The following CEP295 variants were observed in gnomAD, a reference collection of about 807,000 sequenced individuals.
The protein encoded by CEP295 is centrosomal protein of 295 kDa.
A neutral mutation model predicts 291.6 loss-of-function variants in CEP295; 190 were observed. That is an observed-to-expected ratio of 0.65 (90% CI 0.58 to 0.73). The LOEUF is 0.73. Among genes scored for constraint, CEP295 ranks in the 30% least tolerant of loss-of-function variants. The pLI, the probability that CEP295 is intolerant of heterozygous loss-of-function variation, is 0.00. For synonymous variants in CEP295, 993 were observed against 1,038.8 expected, an observed-to-expected ratio of 0.96 and a Z score of 0.85; for missense variants, 2,863 against 2,949.4, an observed-to-expected ratio of 0.97 and a Z score of 0.68.
chr11:93,675,597 A>G lies in CEP295; in HGVS notation c.555A>G (p.Ala185=). The part of the protein sequence containing the change: ...FENIEVKRIS[A]VKTNSSTYHH... ...ACATCGAAGTAAAAAGAATTTCTGC[A>G]GTCAAAACCAATAGTTCTACCTACC... is the stretch of plus-strand genomic sequence containing the variant. Residue 185 remains alanine (A), a synonymous_variant, in exon 6 of 30, where the codon GCA becomes GCG. Transcript: ENST00000325212. The G allele has an allele frequency of 6.6e-7, 1 of 1,504,050 alleles. No individual in the cohort carries two copies. Among genetic ancestry groups the G allele is most frequent in the Non-Finnish European group, 8.9e-7 (1 of 1,129,104 alleles). The allele number at this position is 1,504,050 out of a possible 1,614,324, so 93.2% of individuals were successfully genotyped here. A position where few individuals can be genotyped will look rare whatever the true frequency, so the allele number is the denominator to read the frequency against.
chr11:93,672,621 A>C (rs570796193), intron 5 of CEP295, among the ~76,000 whole-genome samples: 98 of 152,172 alleles, frequency 6.4e-4, no homozygotes, highest in African/African-American at 2.2e-3. Context: ...TGCATGAGCC[A>C]GTGTCAGGTA....
intron 1 of CEP295, among the ~76,000 whole-genome samples, chr11:93,662,293 C>G (rs1565420943): frequency 6.6e-6 from 1 of 152,178 alleles, no homozygotes; most frequent in Non-Finnish European, 1.5e-5. Context: ...GAAGACTTCA[C>G]GCTAAGTCAC....
rs548680260 is a variant in CEP295, at chr11:93,699,212, G to C, written c.4300G>C (p.Glu1434Gln). 6.4e-7 allele frequency: 1 copy of C among 1,551,870 alleles called. No individual in the cohort carries two copies. The highest frequency in any genetic ancestry group is 1.2e-5 in the South Asian group (1 of 84,062). ...SDNIVSSGHS[E>Q]IPTLPDGLLG... Reference sequence around the variant, plus strand: ...TAATATAGTATCCTCAGGTCACTCAGAGATACCAACATTGCCTGATGGGCT... The same window carrying C: ...TAATATAGTATCCTCAGGTCACTCACAGATACCAACATTGCCTGATGGGCT... Residue 1434 changes from glutamate to glutamine, a missense_variant, in exon 15 of 30, where the codon GAG (glutamate) becomes CAG (glutamine). Around this residue, in one of 3 missense-constraint regions of CEP295, gnomAD observed 2,295 missense variants for 2,335.7 expected, o/e 0.98. Transcript: ENST00000325212.
At chr11:93,691,113 A>T (rs184243764) in intron 10 of CEP295, among the ~76,000 whole-genome samples, 256 of 152,306 alleles carry the variant, frequency 1.7e-3, no homozygotes, top group African/African-American at 5.7e-3. Flanking sequence ...TAATTATAAG[A>T]TGGTTCTGCC....
intron 24 of CEP295, chr11:93,728,008 T>G (rs1937620843): frequency 5.7e-6 from 1 of 173,960 alleles, no homozygotes; most frequent in Admixed American, 5.8e-5. Context: ...AAAATGGTGG[T>G]TCTGCCTGTG....
chr11:93,722,474 A>G, intron 20 of CEP295: 1 of 161,814 alleles, frequency 6.2e-6, no homozygotes, highest in Non-Finnish European at 1.3e-5. Context: ...AAAAAAAAAA[A>G]GTAAAATATT....
Position 93,717,166 on chromosome 11 carries a change from C to T in CEP295, c.5750-4146C>T, listed in dbSNP as rs575705744. ...CTTTAATTTTATTTTTCTTTAATTT[C>T]CCGCCTCAGTTGCCAACTTTGAAGT... On this transcript the variant is annotated intron_variant, in intron 18 of 29. Transcript: ENST00000325212. 1.8e-4 allele frequency among the ~76,000 whole-genome samples: 28 copies of T among 152,260 alleles called. No homozygotes were observed. In the South Asian group the frequency reaches 5.6e-3, roughly 30 times the overall value.
intron 14 of CEP295, 107 bp from the exon 15 acceptor site, chr11:93,696,575 A>G: frequency 2.6e-6 from 3 of 1,139,794 alleles, no homozygotes; most frequent in Admixed American, 2.8e-5. Context: ...TCTTTTCACC[A>G]TGAGTATTGC....
intron 15 of CEP295, among the ~76,000 whole-genome samples, chr11:93,700,899 T>C (rs1313717522): frequency 6.6e-6 from 1 of 152,176 alleles, no homozygotes; most frequent in Non-Finnish European, 1.5e-5. Flanking sequence ...TTTTCTCAAG[T>C]GACACTATTA....
At position 93,676,337 on chromosome 11, in the gene CEP295, T is replaced by G. The variant is rs567637202; in HGVS notation, c.624+671T>G. Among the ~76,000 whole-genome samples, 200 of 152,136 alleles carry G rather than the reference T, an allele frequency of 1.3e-3. 1 individual carries two copies. Among genetic ancestry groups the G allele is most frequent in the African/African-American group, 4.5e-3 (189 of 41,566 alleles). On this transcript the variant is annotated intron_variant, in intron 6 of 29. Coordinates refer to ENST00000325212, the MANE Select transcript of CEP295 (RefSeq NM_033395.2). ...AGCCTTTTCTGCACTGAATATTATG[T>G]TTTAAAAATTATTGCCAGTCTTAAG...
At chr11:93,682,608 C>T (rs1003367630) in intron 7 of CEP295, among the ~76,000 whole-genome samples, 1 of 151,822 alleles carries the variant, frequency 6.6e-6, no homozygotes, top group African/African-American at 2.4e-5. Flanking sequence ...AAAAAAAAAA[C>T]CGTGCAATCT....
At chr11:93,715,568 A>G (rs962068243) in intron 18 of CEP295, among the ~76,000 whole-genome samples, 1 of 152,010 alleles carries the variant, frequency 6.6e-6, no homozygotes, top group African/African-American at 2.4e-5. Context: ...GTCTCTTCTC[A>G]TAGCCATCAC....
chr11:93,690,872 C>A (rs1002774367), intron 10 of CEP295, among the ~76,000 whole-genome samples: 2 of 151,680 alleles, frequency 1.3e-5, no homozygotes, highest in Admixed American at 6.6e-5. Context: ...AGGTTTGTTT[C>A]TTTATCCTCA....
Position 93,697,974 on chromosome 11 carries a change from A to T in CEP295, c.3062A>T (p.His1021Leu), listed in dbSNP as rs781654154. The T allele has an allele frequency of 3.9e-6, 6 of 1,551,690 alleles. No individual in the cohort carries two copies. In the South Asian group the frequency reaches 4.8e-5, roughly 12 times the overall value. ...DTKSGKIQEQ[H>L]SSKSEKGLVS... ...AAATCTGGAAAAATACAGGAGCAACATTCATCTAAGAGCGAGAAAGGACTT... is the reference window on the plus strand; with the variant it reads ...AAATCTGGAAAAATACAGGAGCAACTTTCATCTAAGAGCGAGAAAGGACTT... The change falls in exon 15 of 30, where the codon CAT becomes CTT. Residue 1021 changes from histidine (H) to leucine (L), a missense_variant. By Grantham distance (99) the His-to-Leu change is moderately conservative. Coordinates refer to ENST00000325212, the MANE Select transcript of CEP295 (RefSeq NM_033395.2).
rs148660685 is a variant in CEP295, at chr11:93,686,850, C to A, written c.1115-794C>A. Among the ~76,000 whole-genome samples the A allele has an allele frequency of 1.1e-3, 172 of 152,170 alleles. 1 individual carries two copies. The highest frequency in any genetic ancestry group is 4.0e-3 in the African/African-American group (164 of 41,516). On this transcript the variant is annotated intron_variant, in intron 9 of 29. Transcript: ENST00000325212. ...CACTTAGGTTTTTGTGCACCTTGTT[C>A]TTTGTGAATTATAACTCAATTGGAA...
In CEP295 at chr11:93,727,376, A is replaced by C; in HGVS notation, c.6900A>C (p.Glu2300Asp). The change falls in exon 24 of 30, where the codon GAA (glutamate) becomes GAC (aspartate). Residue 2300 changes from glutamate (E) to aspartate (D), a missense_variant. Physicochemically the swap from Glu to Asp is conservative, Grantham distance 45. Coordinates refer to ENST00000325212, the MANE Select transcript of CEP295 (RefSeq NM_033395.2). ...VTMLQSQGLI[E>D]DNKNETCRVL... ...TGTTACAAAGTCAAGGACTCATTGA[A>C]GATAATAAAAATGAAACCTGTAGGG... 1 of 1,551,540 alleles carries C rather than the reference A, an allele frequency of 6.4e-7. No homozygotes were observed. The highest frequency in any genetic ancestry group is 1.4e-5 in the African/African-American group (1 of 73,144).
chr11:93,714,921 C>T (rs112746794), intron 18 of CEP295, among the ~76,000 whole-genome samples: 9 of 152,144 alleles, frequency 5.9e-5, no homozygotes, highest in African/African-American at 1.9e-4. Flanking sequence ...TGGCCATCAT[C>T]TCTGAGACTG....
In CEP295 at chr11:93,668,856, A is replaced by G; in HGVS notation, c.358A>G (p.Lys120Glu). ...ACAGCGGGCAGCAGAAAGGAAAAGA[A>G]AAGCAGATTTGAGGCATAAAGAAGC... Reference protein sequence around the residue: ...LAQRAAERKRKADLRHKEALK... With the variant: ...LAQRAAERKREADLRHKEALK... The change falls in exon 4 of 30, where the codon AAA becomes GAA. Residue 120 changes from lysine to glutamate, a missense_variant. By Grantham distance (56) the Lys-to-Glu change is moderately conservative (BLOSUM62 1). Transcript: ENST00000325212. The G allele has an allele frequency of 5.9e-6, 9 of 1,522,044 alleles. No homozygotes were observed. The highest frequency in any genetic ancestry group is 8.0e-6 in the Non-Finnish European group (9 of 1,129,040). The allele number at this position is 1,522,044 out of a possible 1,614,324, so 94.3% of individuals were successfully genotyped here.
intron 3 of CEP295, 59 bp from the exon 4 acceptor site, chr11:93,668,749 T>G (rs1950300698): frequency 8.3e-7 from 1 of 1,205,146 alleles, no homozygotes; most frequent in East Asian, 2.6e-5. Flanking sequence ...TGATATCATA[T>G]GAGACACATT....
Sources: allele counts gnomAD v4.1 joint callset (sites outside exome capture counted in the v4.1 genomes callset), GRCh38; gene constraint gnomAD v4.1.1; regional missense constraint gnomAD v4.1.1; transcripts MANE v1.5; gene names NCBI Gene and HGNC (gene_info 2026-07-23, HGNC 2026-07-21).